Variants in GTF2H5 observed in about 807,000 individuals in gnomAD.
GTF2H5 encodes TFB5 ortholog.
GTF2H5 carries 5 observed loss-of-function variants against 7.1 expected under a neutral mutation model. The ratio of observed to expected loss-of-function variants is 0.71; its 90% confidence interval spans 0.37 to 1.49. GTF2H5 has a LOEUF of 1.49. GTF2H5 is among the 40% of genes most tolerant of loss of function. GTF2H5 has a pLI of 0.03. For synonymous variants in GTF2H5, 30 were observed against 31.7 expected (o/e 0.95, Z 0.18); for missense variants, 80 against 83.0 (o/e 0.96, Z 0.14).
rs1267869112 is a variant in GTF2H5 at position 158,199,081 on chromosome 6, T to C, written c.*6924T>C. On this transcript the variant is annotated 3_prime_UTR_variant, in exon 3 of 3. Coordinates refer to ENST00000607778, the MANE Select transcript of GTF2H5 (RefSeq NM_207118.3). ...TTTTCATTCCTTTTTAATTCTCTGT[T>C]TTAGGAATGCTTGTCAAATTCGTCA... 6.6e-6 allele frequency: 1 copy of C among 152,218 alleles called. No individual in the cohort carries two copies. Among genetic ancestry groups the C allele is most frequent in the Non-Finnish European group, 1.5e-5 (1 of 68,036 alleles). The allele number at this position is 152,218 out of a possible 1,614,324, so 9.4% of individuals were successfully genotyped here. A position where few individuals can be genotyped will look rare whatever the true frequency, so the allele number is the denominator to read the frequency against.
Position 158,193,307 on chromosome 6 carries a change from G to C in GTF2H5, c.*1150G>C, listed in dbSNP as rs1185433253. On this transcript the variant is annotated 3_prime_UTR_variant, in exon 3 of 3. Coordinates refer to ENST00000607778, the MANE Select transcript of GTF2H5 (RefSeq NM_207118.3). ...CAAAAAAAAAAGTGTATATGTATGT[G>C]TGTATATATAGCAAGAGAGAGTTCT... 3 of 152,084 alleles carry C rather than the reference G, an allele frequency of 2.0e-5. No individual in the cohort carries two copies. The highest frequency in any genetic ancestry group is 4.4e-5 in the Non-Finnish European group (3 of 68,028). 9.4% of individuals were successfully genotyped at this position (152,084 alleles called of 1,614,324 possible).
At chr6:158,175,860 T>G (rs1054488276) in intron 2 of GTF2H5, among the ~76,000 whole-genome samples, 7 of 152,240 alleles carry the variant, frequency 4.6e-5, no homozygotes, top group Admixed American at 3.3e-4. Context: ...GTGGCATATT[T>G]TAATCAAATA....
chr6:158,184,786 G>A lies in GTF2H5; in HGVS notation c.36-7191G>A, dbSNP rs571838773. Among the ~76,000 whole-genome samples, 26 of 152,260 alleles carry A rather than the reference G, an allele frequency of 1.7e-4. No individual in the cohort carries two copies. In the South Asian group the frequency reaches 3.7e-3, roughly 22 times the overall value. On this transcript the variant is annotated intron_variant, in intron 2 of 2. Transcript: ENST00000607778. ...TTGACTAAGCCAAGATTGTTCTGAT[G>A]GATTGTCAGTGCTGACAGCTTTGAC...
intron 2 of GTF2H5, among the ~76,000 whole-genome samples, chr6:158,186,508 A>G (rs965068886): frequency 3.9e-5 from 6 of 152,252 alleles, no homozygotes; most frequent in African/African-American, 1.2e-4. Flanking sequence ...TTTGGATCCA[A>G]AGTTTATTTT....
At chr6:158,175,040 G>GTATATA (rs1562471603) in intron 2 of GTF2H5, among the ~76,000 whole-genome samples, 17 of 133,168 alleles carry the variant, frequency 1.3e-4, no homozygotes, top group African/African-American at 4.2e-4. Flanking sequence ...GTGTGTGTGT[G>GTATATA]TGTGTATACA....
At chr6:158,187,817 C>T (rs1467214601) in intron 2 of GTF2H5, among the ~76,000 whole-genome samples, 1 of 152,154 alleles carries the variant, frequency 6.6e-6, no homozygotes, top group Admixed American at 6.5e-5. Context: ...CCGCCTGCCT[C>T]GGCCTCCCAA....
rs1284175498 is a variant in GTF2H5, at chr6:158,169,520, A to G, written c.-34-950A>G. 2.0e-4 allele frequency among the ~76,000 whole-genome samples: 17 copies of G among 83,834 alleles called. 1 individual carries two copies. The highest frequency in any genetic ancestry group is 8.5e-4 in the African/African-American group (16 of 18,798). The allele number at this position is 83,834 out of a possible 152,430, so 55.0% of individuals were successfully genotyped here. On this transcript the variant is annotated intron_variant, in intron 1 of 2. Transcript: ENST00000607778. ...TTATATAATATATTGTATATTATAT[A>G]TAATATACAGTATATTATATATAAT...
intron 2 of GTF2H5, among the ~76,000 whole-genome samples, chr6:158,191,311 G>A (rs1410520067): frequency 6.6e-6 from 1 of 152,190 alleles, no homozygotes; most frequent in Non-Finnish European, 1.5e-5. Flanking sequence ...TTCCTTAGAT[G>A]TAATGGGCAT....
chr6:158,169,441 A>AT lies in GTF2H5; in HGVS notation c.-34-1028dup, dbSNP rs1554266934. ...TTATATATAATATATTGTATATTAT[A>AT]TATATTATATATTATATATATTATA... On this transcript the variant is annotated intron_variant, in intron 1 of 2. Coordinates refer to ENST00000607778, the MANE Select transcript of GTF2H5 (RefSeq NM_207118.3). Among the ~76,000 whole-genome samples the AT allele has an allele frequency of 6.2e-5, 4 of 64,624 alleles. 1 individual carries two copies. The highest frequency in any genetic ancestry group is 3.1e-4 in the African/African-American group (4 of 12,920). The allele number at this position is 64,624 out of a possible 152,430, so 42.4% of individuals were successfully genotyped here.
At chr6:158,190,683 TTC>T in intron 2 of GTF2H5, 1 of 449,944 alleles carries the variant, frequency 2.2e-6, no homozygotes, top group Non-Finnish European at 4.4e-6. Context: ...AATCTTATTT[TTC>T]TTGTTTTCAG....
rs920640864 is a variant in GTF2H5 at position 158,194,702 on chromosome 6, A to G, written c.*2545A>G. 3 of 152,200 alleles carry G rather than the reference A, an allele frequency of 2.0e-5. No individual in the cohort carries two copies. The South Asian group carries it at 6.2e-4, about 31-fold the overall frequency. 9.4% of individuals were successfully genotyped at this position (152,200 alleles called of 1,614,324 possible). On this transcript the variant is annotated 3_prime_UTR_variant, in exon 3 of 3. Coordinates refer to ENST00000607778, the MANE Select transcript of GTF2H5 (RefSeq NM_207118.3). ...GGGTAAGGAGTCCTTGATGTCCTGT[A>G]AATGAAGGAACCAAATGGAGTTCCT...
rs1460574864 is a variant in GTF2H5 at position 158,196,624 on chromosome 6, G to C, written c.*4467G>C. On this transcript the variant is annotated 3_prime_UTR_variant, in exon 3 of 3. Coordinates refer to ENST00000607778, the MANE Select transcript of GTF2H5 (RefSeq NM_207118.3). ...GGATATCAGTTTAAATAGAGCCCCT[G>C]TCAGAACAATATGAATTCTGCTAAA... 1.3e-5 allele frequency: 2 copies of C among 152,170 alleles called. No homozygotes were observed. The highest frequency in any genetic ancestry group is 1.3e-4 in the Admixed American group (2 of 15,278). 9.4% of individuals were successfully genotyped at this position (152,170 alleles called of 1,614,324 possible).
chr6:158,185,320 G>A (rs1439640971), intron 2 of GTF2H5, among the ~76,000 whole-genome samples: 3 of 151,912 alleles, frequency 2.0e-5, no homozygotes, highest in Non-Finnish European at 2.9e-5. Context: ...CTGGAGGATC[G>A]CCCAAGCCCA....
At chr6:158,179,881 A>G (rs1025162850) in intron 2 of GTF2H5, among the ~76,000 whole-genome samples, 3 of 152,126 alleles carry the variant, frequency 2.0e-5, no homozygotes, top group Non-Finnish European at 2.9e-5. Context: ...TATGTGGAAT[A>G]GGAGTGGTGA....
At position 158,170,454 on chromosome 6, in the gene GTF2H5, T is replaced by G. The variant is rs1318715617; in HGVS notation, c.-34-16T>G. 3 of 1,466,256 alleles carry G rather than the reference T, an allele frequency of 2.0e-6. No homozygotes were observed. The highest frequency in any genetic ancestry group is 2.8e-5 in the African/African-American group (2 of 72,110). The allele number at this position is 1,466,256 out of a possible 1,614,324, so 90.8% of individuals were successfully genotyped here. On this transcript the variant is annotated splice_polypyrimidine_tract_variant and intron_variant, in intron 1 of 2. Coordinates refer to ENST00000607778, the MANE Select transcript of GTF2H5 (RefSeq NM_207118.3). ...TAATGATTTTTAATTTAATGTTACC[T>G]TACTCTTTTTATTAGCATTCTTCAG...
At chr6:158,172,939 G>C (rs554255888) in intron 2 of GTF2H5, among the ~76,000 whole-genome samples, 46 of 152,228 alleles carry the variant, frequency 3.0e-4, no homozygotes, top group African/African-American at 1.0e-3. Context: ...TTGCTGTCCC[G>C]TATCTAACCT....
At chr6:158,183,847 C>T (rs1786041834) in intron 2 of GTF2H5, among the ~76,000 whole-genome samples, 1 of 152,244 alleles carries the variant, frequency 6.6e-6, no homozygotes, top group Admixed American at 6.5e-5. Context: ...CCCCTGACCC[C>T]TTGCACTTCC....
At chr6:158,169,507 T>TATAATATAC (rs1201478120) in intron 1 of GTF2H5, among the ~76,000 whole-genome samples, 3 of 57,948 alleles carry the variant, frequency 5.2e-5, no homozygotes, top group African/African-American at 1.6e-4. Context: ...ATATAATATA[T>TATAATATAC]TGTATATTAT....
chr6:158,169,553 ATATTATATATAATATATT>A, intron 1 of GTF2H5, among the ~76,000 whole-genome samples: 2 of 93,328 alleles, frequency 2.1e-5, no homozygotes, highest in African/African-American at 4.4e-5. Context: ...AATATACTGT[ATATTATATATAATATATT>A]GTATATTATA....
Sources: gnomAD v4.1 joint callset for allele counts (sites outside exome capture counted in the v4.1 genomes callset) on GRCh38, gnomAD v4.1.1 for gene constraint, MANE v1.5 for transcripts, NCBI Gene and HGNC (gene_info 2026-07-23, HGNC 2026-07-21) for gene names.